Variants in TMTC2 observed in about 807,000 individuals in gnomAD.
The protein encoded by TMTC2 is protein O-mannosyl-transferase TMTC2.
A neutral mutation model predicts 82.4 loss-of-function variants in TMTC2; 43 were observed. That is an observed-to-expected ratio of 0.52 (90% CI 0.41 to 0.67). TMTC2 has a LOEUF of 0.67. TMTC2 is among the 30% of genes least tolerant of loss of function. The probability of loss-of-function intolerance (pLI) is 0.00; values close to 1 mark genes in which losing one functional copy is unlikely to be tolerated. For missense variants in TMTC2, 919 were observed against 1,012.4 expected, an observed-to-expected ratio of 0.91 and a Z score of 1.25; for synonymous variants, 408 against 381.9, an observed-to-expected ratio of 1.07 and a Z score of -0.80.
chr12:83,089,321 T>C (rs555683477), intron 11 of TMTC2, among the ~76,000 whole-genome samples: 1 of 152,356 alleles, frequency 6.6e-6, no homozygotes, highest in East Asian at 1.9e-4. Context: ...ACAAATTAAC[T>C]TGATTTCTTC....
intron 1 of TMTC2, among the ~76,000 whole-genome samples, chr12:82,813,203 C>T (rs1018818277): frequency 6.6e-6 from 1 of 152,030 alleles, no homozygotes; most frequent in African/African-American, 2.4e-5. Context: ...CTATTTTCTA[C>T]TTGAATGCTT....
At chr12:82,870,352 CAA>C in intron 2 of TMTC2, among the ~76,000 whole-genome samples, 1 of 152,220 alleles carries the variant, frequency 6.6e-6, no homozygotes, top group Non-Finnish European at 1.5e-5. Context: ...GCAAATAACA[CAA>C]GCTTAACGCA....
At chr12:83,044,427 T>A (rs1882013962) in intron 9 of TMTC2, among the ~76,000 whole-genome samples, 1 of 152,266 alleles carries the variant, frequency 6.6e-6, no homozygotes, top group East Asian at 1.9e-4. Flanking sequence ...CCTGTGCTGA[T>A]CATAGCAAGC....
At chr12:82,880,560 T>A (rs1008399931) in intron 2 of TMTC2, among the ~76,000 whole-genome samples, 4 of 152,204 alleles carry the variant, frequency 2.6e-5, no homozygotes, top group Non-Finnish European at 5.9e-5. Context: ...AACCGGTCCC[T>A]TCCACTTCTT....
chr12:82,944,486 A>T lies in TMTC2; in HGVS notation c.1598+13941A>T, dbSNP rs979498712. Among the ~76,000 whole-genome samples the T allele has an allele frequency of 4.7e-5, 7 of 149,912 alleles. 1 individual carries two copies. Among genetic ancestry groups the T allele is most frequent in the South Asian group, 2.1e-4 (1 of 4,708 alleles). ...GTAGTCCCAGCGACTCCCAGGCAGG[A>T]GAAAGGCGTGAACCCGGGAGATGGC... On this transcript the variant is annotated intron_variant, in intron 4 of 11. Coordinates refer to ENST00000321196, the MANE Select transcript of TMTC2 (RefSeq NM_152588.3).
At chr12:83,084,930 G>A (rs1883600562) in intron 11 of TMTC2, among the ~76,000 whole-genome samples, 1 of 152,214 alleles carries the variant, frequency 6.6e-6, no homozygotes, top group African/African-American at 2.4e-5. Flanking sequence ...AATTGGCTAA[G>A]CCTGCATGCT....
intron 7 of TMTC2, among the ~76,000 whole-genome samples, chr12:82,981,920 C>A (rs958946408): frequency 2.0e-5 from 3 of 151,616 alleles, no homozygotes; most frequent in Non-Finnish European, 4.4e-5. Context: ...TATTCCCTCT[C>A]TGAAGACTTT....
intron 4 of TMTC2, among the ~76,000 whole-genome samples, chr12:82,945,362 A>G (rs1163905074): frequency 6.6e-6 from 1 of 152,228 alleles, no homozygotes; most frequent in African/African-American, 2.4e-5. Context: ...CTGCAATCTC[A>G]TTAAAAGGCC....
intron 1 of TMTC2, among the ~76,000 whole-genome samples, chr12:82,801,605 A>G (rs767360035): frequency 6.6e-6 from 1 of 152,148 alleles, no homozygotes; most frequent in Non-Finnish European, 1.5e-5. Flanking sequence ...TGAGCTAGAC[A>G]TAAAGGTTCT....
intron 4 of TMTC2, among the ~76,000 whole-genome samples, chr12:82,946,545 A>G (rs191698028): frequency 3.9e-5 from 6 of 152,130 alleles, no homozygotes; most frequent in African/African-American, 9.6e-5. Flanking sequence ...TAGCGACCCT[A>G]TTGTTACAGA....
At chr12:82,826,607 C>T (rs1462832453) in intron 1 of TMTC2, among the ~76,000 whole-genome samples, 2 of 152,200 alleles carry the variant, frequency 1.3e-5, no homozygotes, top group Admixed American at 6.5e-5. Context: ...AGTAATTATG[C>T]AGCAACATTT....
At chr12:82,873,112 T>C (rs540404025) in intron 2 of TMTC2, among the ~76,000 whole-genome samples, 17 of 152,306 alleles carry the variant, frequency 1.1e-4, no homozygotes, top group Non-Finnish European at 2.2e-4. Flanking sequence ...AGTGTATTGA[T>C]TTTGAGTGTA....
chr12:82,936,493 T>A (rs1876325399), intron 4 of TMTC2, among the ~76,000 whole-genome samples: 1 of 152,082 alleles, frequency 6.6e-6, no homozygotes, highest in Admixed American at 6.6e-5. Flanking sequence ...ATACATGTCT[T>A]AAAATTAATA....
At chr12:82,883,083 C>T (rs1308473138) in intron 2 of TMTC2, among the ~76,000 whole-genome samples, 1 of 112,492 alleles carries the variant, frequency 8.9e-6, no homozygotes, top group Admixed American at 8.8e-5. Context: ...AAAAAAAAAA[C>T]CAAAACCTTA....
chr12:82,735,695 G>A (rs916232100), intron 1 of TMTC2, among the ~76,000 whole-genome samples: 5 of 151,498 alleles, frequency 3.3e-5, no homozygotes, highest in Non-Finnish European at 4.4e-5. Flanking sequence ...GGTCGGGTGC[G>A]GTGGCTCACG....
chr12:83,066,398 G>T (rs552547808), intron 11 of TMTC2, among the ~76,000 whole-genome samples: 1 of 152,034 alleles, frequency 6.6e-6, no homozygotes, highest in African/African-American at 2.4e-5. Flanking sequence ...GGTATGGAAA[G>T]GAAGGGTATA....
intron 1 of TMTC2, among the ~76,000 whole-genome samples, chr12:82,689,867 A>C (rs1340962159): frequency 6.6e-6 from 1 of 152,214 alleles, no homozygotes; most frequent in Non-Finnish European, 1.5e-5. Flanking sequence ...TAGATAGTAT[A>C]TATTGATAAA....
rs528888754 is a variant in TMTC2 at position 82,868,034 on chromosome 12, T to G, written c.654+10454T>G. ...GTGACCTTGGGGAAATTTCTAAACTTCTTTGAACATCAGTTAAATGCCCTG... is the reference window on the plus strand; with the variant it reads ...GTGACCTTGGGGAAATTTCTAAACTGCTTTGAACATCAGTTAAATGCCCTG... On this transcript the variant is annotated intron_variant, in intron 2 of 11. Transcript: ENST00000321196. 9.1e-4 allele frequency among the ~76,000 whole-genome samples: 139 copies of G among 152,320 alleles called. 2 individuals carry two copies. Among genetic ancestry groups the G allele is most frequent in the Non-Finnish European group, 1.8e-3 (122 of 68,020 alleles).
At chr12:83,112,696 A>C (rs1219879209) in intron 11 of TMTC2, among the ~76,000 whole-genome samples, 1 of 152,208 alleles carries the variant, frequency 6.6e-6, no homozygotes, top group Non-Finnish European at 1.5e-5. Context: ...TACATAAAAG[A>C]ATTGAAAAGA....
Sources: allele counts gnomAD v4.1 joint callset (sites outside exome capture counted in the v4.1 genomes callset), GRCh38; gene constraint gnomAD v4.1.1; transcripts MANE v1.5; gene names NCBI Gene and HGNC (gene_info 2026-07-23, HGNC 2026-07-21).